Variants in DLG2 observed in about 807,000 individuals in gnomAD.
DLG2 encodes the protein discs large MAGUK scaffold protein 2.
In DLG2, 45 loss-of-function variants were observed where a neutral mutation model predicts 132.5. The observed-to-expected ratio is 0.34, with a 90% CI of 0.27 to 0.44. The LOEUF is 0.44. Ranked by LOEUF, DLG2 falls within the 20% of genes least tolerant of loss-of-function variation. DLG2 has a pLI of 1.00. For missense variants in DLG2, 1,045 were observed against 1,196.9 expected, an observed-to-expected ratio of 0.87 and a Z score of 1.87; for synonymous variants, 424 against 419.6, an observed-to-expected ratio of 1.01 and a Z score of -0.13.
At chr11:83,512,947 T>C (rs1447656440) in intron 21 of DLG2, among the ~76,000 whole-genome samples, 1 of 152,180 alleles carries the variant, frequency 6.6e-6, no homozygotes, top group Non-Finnish European at 1.5e-5. Flanking sequence ...GACATTTGGG[T>C]TGGTTCCAAG....
intron 11 of DLG2, among the ~76,000 whole-genome samples, chr11:84,024,795 CAG>C (rs531274944): frequency 1.9e-4 from 28 of 150,092 alleles, no homozygotes; most frequent in African/African-American, 6.1e-4. Flanking sequence ...AAATCTCAGA[CAG>C]GGGGAATATA....
intron 16 of DLG2, among the ~76,000 whole-genome samples, chr11:83,836,238 G>A (rs1420244140): frequency 1.3e-5 from 2 of 152,122 alleles, no homozygotes; most frequent in African/African-American, 2.4e-5. Flanking sequence ...GCTTTACCCA[G>A]CCTATTGATT....
chr11:84,240,163 G>A (rs549481369), intron 8 of DLG2, among the ~76,000 whole-genome samples: 2 of 152,306 alleles, frequency 1.3e-5, no homozygotes, highest in East Asian at 1.9e-4. Context: ...TATTTAGCAC[G>A]TCAGCATGGT....
chr11:85,298,583 C>T lies in DLG2; in HGVS notation c.41-13218G>A, dbSNP rs1243868080. Among the ~76,000 whole-genome samples the T allele has an allele frequency of 2.0e-5, 3 of 152,104 alleles. No homozygotes were observed. In the East Asian group the frequency reaches 5.8e-4, roughly 29 times the overall value. On this transcript the variant is annotated intron_variant, in intron 3 of 27. Transcript: ENST00000376104. ...TAAGGAAATTAGAAAGACATGACAA[C>T]TAAAGATGACATGTGATTCTGAACT...
chr11:85,284,748 T>A (rs2078449516), intron 4 of DLG2, among the ~76,000 whole-genome samples: 1 of 151,900 alleles, frequency 6.6e-6, no homozygotes, highest in South Asian at 2.1e-4. Context: ...GTTACCCAAA[T>A]ATAGAAAATT....
At chr11:84,823,992 T>C (rs893149090) in intron 6 of DLG2, among the ~76,000 whole-genome samples, 4 of 151,926 alleles carry the variant, frequency 2.6e-5, no homozygotes, top group African/African-American at 9.7e-5. Context: ...TTGAGTGAGT[T>C]ACTAATAGGA....
At position 85,551,472 on chromosome 11, in the gene DLG2, AT is replaced by A. The variant is rs2076661283; in HGVS notation, c.40+47184del. On this transcript the variant is annotated intron_variant, in intron 3 of 27. Transcript: ENST00000376104. ...TACCAATGTTGCTTTAAATACTCAT[AT>A]TTTAATGCCATATAAATACATACTA... Among the ~76,000 whole-genome samples, 4 of 152,174 alleles carry A rather than the reference AT, an allele frequency of 2.6e-5. No homozygotes were observed. The South Asian group carries it at 8.3e-4, about 31-fold the overall frequency.
chr11:84,373,667 G>A (rs1400228103), intron 7 of DLG2, among the ~76,000 whole-genome samples: 1 of 152,062 alleles, frequency 6.6e-6, no homozygotes, highest in African/African-American at 2.4e-5. Flanking sequence ...ATCAAATACT[G>A]TCAGAAAGTA....
chr11:84,156,992 C>T (rs1470659386), intron 9 of DLG2, among the ~76,000 whole-genome samples: 1 of 152,004 alleles, frequency 6.6e-6, no homozygotes, highest in Admixed American at 6.6e-5. Flanking sequence ...GGATCTGTTA[C>T]TTCAAATAAT....
chr11:85,571,029 A>G (rs1386571779), intron 3 of DLG2, among the ~76,000 whole-genome samples: 1 of 152,086 alleles, frequency 6.6e-6, no homozygotes, highest in African/African-American at 2.4e-5. Context: ...TTTTTTTAAC[A>G]TGGTTCAATT....
At chr11:84,333,616 C>T (rs549273957) in intron 7 of DLG2, among the ~76,000 whole-genome samples, 3 of 152,086 alleles carry the variant, frequency 2.0e-5, no homozygotes, top group African/African-American at 4.8e-5. Flanking sequence ...TCCTTAACTG[C>T]GAATGAAGAA....
At chr11:84,494,717 T>C (rs2099175744) in intron 7 of DLG2, among the ~76,000 whole-genome samples, 2 of 152,142 alleles carry the variant, frequency 1.3e-5, no homozygotes, top group Non-Finnish European at 2.9e-5. Flanking sequence ...TAGCAGACCC[T>C]AAAGCATGAC....
At chr11:85,407,921 T>C (rs191040490) in intron 3 of DLG2, among the ~76,000 whole-genome samples, 7 of 151,674 alleles carry the variant, frequency 4.6e-5, no homozygotes, top group Non-Finnish European at 8.8e-5. Flanking sequence ...GAGGCACATA[T>C]GGCTGTTGGA....
chr11:84,381,992 G>A (rs1278387777), intron 7 of DLG2, among the ~76,000 whole-genome samples: 1 of 152,096 alleles, frequency 6.6e-6, no homozygotes, highest in Admixed American at 6.5e-5. Flanking sequence ...ACCATCAGTG[G>A]GAGACAGGTG....
At chr11:83,953,041 A>G (rs1712929778) in intron 14 of DLG2, among the ~76,000 whole-genome samples, 1 of 152,218 alleles carries the variant, frequency 6.6e-6, no homozygotes, top group Admixed American at 6.5e-5. Context: ...GTTTTTACAC[A>G]GTTATAGTTT....
intron 3 of DLG2, among the ~76,000 whole-genome samples, chr11:85,355,096 T>C (rs914804296): frequency 5.3e-5 from 8 of 152,296 alleles, no homozygotes; most frequent in South Asian, 2.1e-4. Context: ...TTTAATGTTA[T>C]AATACATGAA....
intron 6 of DLG2, among the ~76,000 whole-genome samples, chr11:85,104,049 A>G (rs1273454709): frequency 6.6e-6 from 1 of 151,906 alleles, no homozygotes; most frequent in Non-Finnish European, 1.5e-5. Flanking sequence ...AATACAAAAG[A>G]TAGGTAATAA....
intron 4 of DLG2, among the ~76,000 whole-genome samples, chr11:85,221,003 G>C (rs981156890): frequency 2.0e-5 from 3 of 151,288 alleles, no homozygotes; most frequent in Non-Finnish European, 4.4e-5. Context: ...CCTTATGAGA[G>C]AATTTGATAG....
At chr11:85,366,492 C>T (rs186722332) in intron 3 of DLG2, among the ~76,000 whole-genome samples, 1 of 152,244 alleles carries the variant, frequency 6.6e-6, no homozygotes, top group East Asian at 1.9e-4. Context: ...TTTCAGTTAA[C>T]TAATTCCTCC....
Sources: gnomAD v4.1 joint callset for allele counts (sites outside exome capture counted in the v4.1 genomes callset) on GRCh38, gnomAD v4.1.1 for gene constraint, MANE v1.5 for transcripts, NCBI Gene and HGNC (gene_info 2026-07-23, HGNC 2026-07-21) for gene names.